LDB2: variants seen among roughly 807,000 people sequenced by gnomAD.
LDB2 encodes LIM domain binding 2, also known as LIM domain-binding protein 2.
A neutral mutation model predicts 44.3 loss-of-function variants in LDB2; 12 were observed. The ratio of observed to expected loss-of-function variants is 0.27; its 90% CI spans 0.17 to 0.44. LDB2 has a LOEUF of 0.44. Among genes scored for constraint, LDB2 ranks in the 20% least tolerant of loss-of-function variants. The pLI is 1.00. For synonymous variants in LDB2, 164 were observed against 174.8 expected (o/e 0.94, Z 0.49); for missense variants, 344 against 473.5 (o/e 0.73, Z 2.54).
intron 2 of LDB2, among the ~76,000 whole-genome samples, chr4:16,624,617 T>A (rs1391625253): frequency 6.6e-6 from 1 of 152,166 alleles, no homozygotes; most frequent in Non-Finnish European, 1.5e-5. Context: ...ATGTAGAATA[T>A]CTGACTCCAA....
intron 2 of LDB2, among the ~76,000 whole-genome samples, chr4:16,699,997 G>A (rs1753087061): frequency 6.6e-6 from 1 of 152,108 alleles, no homozygotes; most frequent in African/African-American, 2.4e-5. Flanking sequence ...GAAATGTTTG[G>A]GGCCAGATGT....
At chr4:16,646,320 T>C (rs3763967) in intron 2 of LDB2, among the ~76,000 whole-genome samples, 15,667 of 152,234 alleles carry the variant, frequency 0.1, 1,053 homozygotes, top group East Asian at 0.3. Flanking sequence ...TTCAGAGTAC[T>C]GTAAATTATA....
chr4:16,866,050 T>G (rs1257017587), intron 1 of LDB2, among the ~76,000 whole-genome samples: 1 of 152,324 alleles, frequency 6.6e-6, no homozygotes, highest in East Asian at 1.9e-4. Flanking sequence ...TATCTCCGCA[T>G]GGAAGTCTAA....
At chr4:16,639,937 C>A (rs897852414) in intron 2 of LDB2, among the ~76,000 whole-genome samples, 1 of 152,236 alleles carries the variant, frequency 6.6e-6, no homozygotes, top group Admixed American at 6.5e-5. Flanking sequence ...ATAAAGATGA[C>A]AAATAGCATA....
At chr4:16,847,206 C>T (rs1787195812) in intron 1 of LDB2, among the ~76,000 whole-genome samples, 2 of 152,102 alleles carry the variant, frequency 1.3e-5, no homozygotes, top group Admixed American at 6.6e-5. Context: ...TAGTAAGCCA[C>T]AAAATACAAA....
At chr4:16,875,753 G>A (rs185184111) in intron 1 of LDB2, among the ~76,000 whole-genome samples, 3 of 152,296 alleles carry the variant, frequency 2.0e-5, no homozygotes, top group East Asian at 1.9e-4. Flanking sequence ...AGGATAGGCC[G>A]TCTCCAGGGA....
At chr4:16,843,747 A>G (rs185798933) in intron 1 of LDB2, among the ~76,000 whole-genome samples, 8 of 152,020 alleles carry the variant, frequency 5.3e-5, no homozygotes, top group African/African-American at 1.9e-4. Context: ...TCAGCCTCCC[A>G]AGTAGCTGGG....
chr4:16,813,957 T>C (rs67699584), intron 1 of LDB2, among the ~76,000 whole-genome samples: 18,280 of 151,522 alleles, frequency 0.12, 1,280 homozygotes, highest in Middle Eastern at 0.25. Flanking sequence ...CTGCAAGCTC[T>C]GCCTCCCAGG....
chr4:16,877,096 CA>C (rs553810224), intron 1 of LDB2, among the ~76,000 whole-genome samples: 94 of 152,184 alleles, frequency 6.2e-4, no homozygotes, highest in African/African-American at 2.1e-3. Context: ...CAAACATTTT[CA>C]AATCTGTTAC....
chr4:16,772,313 T>C (rs1440151536), intron 1 of LDB2, among the ~76,000 whole-genome samples: 1 of 152,242 alleles, frequency 6.6e-6, no homozygotes, highest in Non-Finnish European at 1.5e-5. Flanking sequence ...TATAAGATCC[T>C]ATTGCCTGCT....
chr4:16,712,358 C>G lies in LDB2; in HGVS notation c.235+46800G>C, dbSNP rs2152663609. Among the ~76,000 whole-genome samples, 3 of 152,146 alleles carry G rather than the reference C, an allele frequency of 2.0e-5. No homozygotes were observed. The Middle Eastern group carries it at 0.01, about 521-fold the overall frequency. ...CACGAGGTCAGGAGTTCAAGACCTG[C>G]CTGGCCAACATGGTGAAACCCCGTC... On this transcript the variant is annotated intron_variant, in intron 2 of 7. Transcript: ENST00000304523.
chr4:16,860,784 T>G (rs1028731172), intron 1 of LDB2, among the ~76,000 whole-genome samples: 6 of 152,250 alleles, frequency 3.9e-5, no homozygotes. Context: ...ATTTGTGGAC[T>G]AAGTCATGGC....
intron 1 of LDB2, among the ~76,000 whole-genome samples, chr4:16,874,610 C>A (rs1408132100): frequency 6.6e-6 from 1 of 152,194 alleles, no homozygotes. Flanking sequence ...AGATTCGCTA[C>A]ATTCCTGAAA....
chr4:16,827,250 C>A (rs1783227653), intron 1 of LDB2, among the ~76,000 whole-genome samples: 1 of 152,062 alleles, frequency 6.6e-6, no homozygotes, highest in South Asian at 2.1e-4. Context: ...GGCAGCATTG[C>A]AGAGACAGCA....
At chr4:16,547,659 C>T (rs996998681) in intron 5 of LDB2, among the ~76,000 whole-genome samples, 2 of 152,170 alleles carry the variant, frequency 1.3e-5, no homozygotes, top group Non-Finnish European at 2.9e-5. Context: ...ACTACTTACA[C>T]AACCAACCTA....
At chr4:16,709,947 A>G (rs997902371) in intron 2 of LDB2, among the ~76,000 whole-genome samples, 1 of 152,158 alleles carries the variant, frequency 6.6e-6, no homozygotes, top group Non-Finnish European at 1.5e-5. Context: ...TGATCTATAC[A>G]AGCATATTAA....
At chr4:16,890,428 C>A (rs1388294751) in intron 1 of LDB2, among the ~76,000 whole-genome samples, 1 of 152,178 alleles carries the variant, frequency 6.6e-6, no homozygotes, top group Non-Finnish European at 1.5e-5. Context: ...GTCACCAGAA[C>A]AGGACAGATT....
intron 2 of LDB2, among the ~76,000 whole-genome samples, chr4:16,734,589 T>C (rs2108949910): frequency 6.6e-6 from 1 of 152,202 alleles, no homozygotes; most frequent in East Asian, 1.9e-4. Context: ...TCCAACCCTC[T>C]GAAGCACCCT....
At chr4:16,547,124 C>A (rs1013461972) in intron 5 of LDB2, among the ~76,000 whole-genome samples, 3 of 152,150 alleles carry the variant, frequency 2.0e-5, no homozygotes, top group African/African-American at 7.2e-5. Flanking sequence ...AATCCAATGA[C>A]AGATGCTCTT....
Sources: allele counts gnomAD v4.1 joint callset (sites outside exome capture counted in the v4.1 genomes callset), GRCh38; gene constraint gnomAD v4.1.1; transcripts MANE v1.5; gene names NCBI Gene and HGNC (gene_info 2026-07-23, HGNC 2026-07-21).